MYO7A: variants seen among roughly 807,000 people sequenced by gnomAD.
The protein encoded by MYO7A is myosin VIIA.
In MYO7A, 210 loss-of-function variants were observed where a neutral mutation model predicts 263.8. The observed-to-expected ratio is 0.80, with a 90% CI of 0.71 to 0.89. MYO7A has a LOEUF of 0.89. Ranked by LOEUF, MYO7A falls within the 40% of genes least tolerant of loss-of-function variation. MYO7A has a pLI of 0.00. For synonymous variants in MYO7A, 1,239 were observed against 1,197.3 expected (o/e 1.03, Z -0.72); for missense variants, 2,820 against 2,968.3 (o/e 0.95, Z 1.16).
chr11:77,179,012 C>G (rs782729424), intron 19 of MYO7A, 33 bp from the exon 20 acceptor site: 1 of 1,554,138 alleles, frequency 6.4e-7, no homozygotes, highest in Admixed American at 1.9e-5. Context: ...TGCCTCTGGA[C>G]ACTGCTCACC....
Position 77,202,372 on chromosome 11 carries a change from G to A in MYO7A, c.5116G>A (p.Glu1706Lys), listed in dbSNP as rs751860887. 30 of 1,560,994 alleles carry A rather than the reference G, an allele frequency of 1.9e-5. No homozygotes were observed. The highest frequency in any genetic ancestry group is 7.6e-5 in the Admixed American group (4 of 52,340). Residue 1706 changes from glutamate to lysine, a missense_variant, in exon 37 of 49, where the codon GAG becomes AAG. Coordinates refer to ENST00000409709, the MANE Select transcript of MYO7A (RefSeq NM_000260.4). Reference protein sequence around the residue: ...RLLQLRTAEPEVRAKPYTLEE... With the variant: ...RLLQLRTAEPKVRAKPYTLEE... ...CTTGCAGCTGCGAACGGCGGAGCCC[G>A]AGGTGCGTGCCAAGCCCTACACGCT...
At chr11:77,194,023 G>A (rs765155377) in intron 31 of MYO7A, 1 of 535,068 alleles carries the variant, frequency 1.9e-6, no homozygotes, top group Non-Finnish European at 3.6e-6. Context: ...TCTGGTCGCT[G>A]TCTCACAGGG....
chr11:77,213,721 G>T (rs56001117), intron 47 of MYO7A, 139 bp from the exon 48 acceptor site: 2 of 1,232,144 alleles, frequency 1.6e-6, no homozygotes, highest in African/African-American at 3.0e-5. Flanking sequence ...GCTTCCCACC[G>T]CAGCTGGATG....
At chr11:77,186,281 A>G (rs1485607451) in intron 27 of MYO7A, among the ~76,000 whole-genome samples, 3 of 152,172 alleles carry the variant, frequency 2.0e-5, no homozygotes, top group Non-Finnish European at 2.9e-5. Context: ...ATTGGCTTCA[A>G]TTGAAAGTCA....
At chr11:77,130,242 T>G (rs1487139032) in intron 1 of MYO7A, among the ~76,000 whole-genome samples, 1 of 152,250 alleles carries the variant, frequency 6.6e-6, no homozygotes, top group African/African-American at 2.4e-5. Context: ...GTCCTAAATT[T>G]GCTCTGGCTA....
intron 19 of MYO7A, among the ~76,000 whole-genome samples, chr11:77,178,175 G>A (rs202065390): frequency 0.066 from 51 of 774 alleles, no homozygotes; most frequent in African/African-American, 0.12. Flanking sequence ...CCATCCGTCC[G>A]TTCACCCACC....
chr11:77,162,517 G>A (rs782170074), intron 13 of MYO7A, among the ~76,000 whole-genome samples, 187 bp downstream of exon 13: 3 of 152,176 alleles, frequency 2.0e-5, no homozygotes, highest in Admixed American at 6.5e-5. Flanking sequence ...GGGGTTCTGG[G>A]CCAGGCCATG....
chr11:77,214,119 G>A, intron 48 of MYO7A, 140 bp downstream of exon 48: 1 of 1,227,602 alleles, frequency 8.1e-7, no homozygotes, highest in South Asian at 1.4e-5. Flanking sequence ...GCCAAGGTCA[G>A]GTCAGTTTGA....
At position 77,213,048 on chromosome 11, in the gene MYO7A, A is replaced by C. The variant is rs1178903693; in HGVS notation, c.6438+13A>C. ...TCCCAAAACGAAGGTGAGCAGGGATAAGGCAGCAAGTGGGGGCGGGCTTCT... is the reference window on the plus strand; with the variant it reads ...TCCCAAAACGAAGGTGAGCAGGGATCAGGCAGCAAGTGGGGGCGGGCTTCT... On this transcript the variant is annotated intron_variant, in intron 47 of 48. Transcript: ENST00000409709. 1 of 1,561,056 alleles carries C rather than the reference A, an allele frequency of 6.4e-7. No homozygotes were observed. Among genetic ancestry groups the C allele is most frequent in the Non-Finnish European group, 8.7e-7 (1 of 1,151,324 alleles).
intron 44 of MYO7A, chr11:77,209,056 C>A: frequency 5.7e-6 from 3 of 526,688 alleles, no homozygotes; most frequent in South Asian, 2.5e-5. Flanking sequence ...TCAGGCCCCT[C>A]CTTCAGTGCG....
At chr11:77,201,965 GCT>G (rs1957092151) in intron 36 of MYO7A, among the ~76,000 whole-genome samples, 1 of 152,118 alleles carries the variant, frequency 6.6e-6, no homozygotes, top group Non-Finnish European at 1.5e-5. Flanking sequence ...CTTGAGAGCA[GCT>G]CTGAGGACTC....
Position 77,179,091 on chromosome 11 carries a change from C to T in MYO7A, c.2329C>T (p.His777Tyr), listed in dbSNP as rs1555082115. 3 of 1,609,090 alleles carry T rather than the reference C, an allele frequency of 1.9e-6. No homozygotes were observed. The highest frequency in any genetic ancestry group is 2.5e-6 in the Non-Finnish European group (3 of 1,178,310). Residue 777 changes from histidine (H) to tyrosine (Y), a missense_variant, in exon 20 of 49, where the codon CAC becomes TAC. His to Tyr is a moderately conservative substitution (Grantham distance 83). Transcript: ENST00000409709. ...LKNAATLIQR[H>Y]WRGHNCRKNY... is the part of the protein sequence containing the mutation. The stretch of plus-strand genomic sequence containing the variant: ...GAACGCTGCCACACTGATCCAGAGG[C>T]ACTGGCGGGGTCACAACTGTAGGAA...
intron 11 of MYO7A, 141 bp downstream of exon 11, chr11:77,160,423 T>C (rs1952888513): frequency 7.9e-7 from 1 of 1,263,074 alleles, no homozygotes; most frequent in Admixed American, 2.4e-5. Context: ...CAGTCGGCCT[T>C]CCTTGAGTCC....
chr11:77,210,890 G>A, intron 44 of MYO7A: 1 of 402,324 alleles, frequency 2.5e-6, no homozygotes, highest in Admixed American at 3.9e-5. Flanking sequence ...CATCTCACTG[G>A]ACTGTTATGG....
rs56082001 is a variant in MYO7A, at chr11:77,187,945, G to A, written c.3504-1399G>A. 2.0e-3 allele frequency among the ~76,000 whole-genome samples: 297 copies of A among 152,302 alleles called. 1 individual carries two copies. The highest frequency in any genetic ancestry group is 6.9e-3 in the African/African-American group (286 of 41,564). ...CCCCAAGGCTAGTCACTACCTCACC[G>A]GGGTGGCCACACTGCCCAGGGCCAC... On this transcript the variant is annotated intron_variant, in intron 27 of 48. Coordinates refer to ENST00000409709, the MANE Select transcript of MYO7A (RefSeq NM_000260.4).
At chr11:77,195,059 G>C (rs1307433845) in intron 32 of MYO7A, among the ~76,000 whole-genome samples, 1 of 152,036 alleles carries the variant, frequency 6.6e-6, no homozygotes, top group East Asian at 1.9e-4. Flanking sequence ...GGGACCCAAG[G>C]CCGCCTCATC....
At chr11:77,188,104 C>T (rs1362960117) in intron 27 of MYO7A, among the ~76,000 whole-genome samples, 1 of 152,188 alleles carries the variant, frequency 6.6e-6, no homozygotes, top group African/African-American at 2.4e-5. Context: ...AACCAAGAGT[C>T]CAAAGGCTGG....
chr11:77,179,680 G>A (rs1448482717), intron 20 of MYO7A, 55 bp from the exon 21 acceptor site: 1 of 1,452,034 alleles, frequency 6.9e-7, no homozygotes, highest in Non-Finnish European at 9.2e-7. Flanking sequence ...CCTGCAGGCA[G>A]GGTCAGTCTG....
intron 42 of MYO7A, 105 bp downstream of exon 42, chr11:77,207,507 G>A: frequency 2.3e-6 from 2 of 865,910 alleles, no homozygotes; most frequent in South Asian, 2.9e-5. Context: ...AGGGGAAGAG[G>A]GCACTGGCAT....
Sources: gnomAD v4.1 joint callset for allele counts (sites outside exome capture counted in the v4.1 genomes callset) on GRCh38, gnomAD v4.1.1 for gene constraint, MANE v1.5 for transcripts, NCBI Gene and HGNC (gene_info 2026-07-23, HGNC 2026-07-21) for gene names.